The following COL4A4 variants were observed in gnomAD, a reference collection of about 807,000 sequenced individuals.
COL4A4 encodes collagen alpha-4(IV) chain.
In COL4A4, 105 loss-of-function variants were observed where a neutral mutation model predicts 192.9. That is an observed-to-expected ratio of 0.54 (90% CI 0.46 to 0.64). The LOEUF is 0.64. Among genes scored for constraint, COL4A4 ranks in the 30% least tolerant of loss-of-function variants. The probability of loss-of-function intolerance (pLI) is 0.00; values close to 1 mark genes in which losing one functional copy is unlikely to be tolerated. For missense variants in COL4A4, 1,967 were observed against 2,169.3 expected (o/e 0.91, Z 1.85); for synonymous variants, 762 against 769.9 (o/e 0.99, Z 0.17).
chr2:227,164,379 C>A (rs2065115816), upstream of COL4A4: 1 of 404,478 alleles, frequency 2.5e-6, no homozygotes, highest in Non-Finnish European at 4.5e-6. This position sits in a 1 kb window ranked among gnomAD's most constrained non-coding sequence, Gnocchi z 4.8. Flanking sequence ...GGGAGCATCA[C>A]CTCCTTAACC....
chr2:227,163,029 A>G (rs1444542321), intron 1 of COL4A4, among the ~76,000 whole-genome samples: 2 of 152,244 alleles, frequency 1.3e-5, no homozygotes, highest in Non-Finnish European at 2.9e-5. Flanking sequence ...AAAATCAGTG[A>G]CCAACTGCAT....
chr2:227,147,644 A>G lies in COL4A4; in HGVS notation c.-101-60T>C, dbSNP rs1338441274. 3.9e-5 allele frequency: 25 copies of G among 643,096 alleles called. No individual in the cohort carries two copies. The East Asian group carries it at 7.2e-4, about 19-fold the overall frequency. 39.8% of individuals were successfully genotyped at this position (643,096 alleles called of 1,614,324 possible). The stretch of plus-strand genomic sequence containing the variant: ...ATGCATTATAATGTTGAAAATAATT[A>G]CTTTCATTTTTTATCGTTATGGAAA... On this transcript the variant is annotated intron_variant, in intron 1 of 47. Transcript: ENST00000396625.
chr2:226,994,548 A>G, the COL4A4 span, among the ~76,000 whole-genome samples: 1 of 152,202 alleles, frequency 6.6e-6, no homozygotes, highest in African/African-American at 2.4e-5. Context: ...TAGCAGAGCT[A>G]TAGTAGTGAA....
rs1290745310 is a variant in COL4A4, at chr2:227,030,560, G to A, written c.3856C>T (p.Leu1286Phe). The A allele has an allele frequency of 1.2e-6, 2 of 1,613,858 alleles. No homozygotes were observed. Among genetic ancestry groups the A allele is most frequent in the Admixed American group, 3.3e-5 (2 of 59,970 alleles). The stretch of plus-strand genomic sequence containing the variant: ...CAGTCACCTGGCTCCCCTCTCAGAA[G>A]GTCAACACTCCCAGGGAGGCCTGGA... ...GPPGLPGSVD[L>F]LRGEPGDCGL... Residue 1286 changes from leucine (L) to phenylalanine (F), a missense_variant, in exon 41 of 48, where the codon CTT (leucine) becomes TTT (phenylalanine). Leu to Phe is a conservative substitution (Grantham distance 22, BLOSUM62 0). Coordinates refer to ENST00000396625, the MANE Select transcript of COL4A4 (RefSeq NM_000092.5).
At chr2:227,099,768 C>T (rs753220999) in intron 17 of COL4A4, 79 bp from the exon 18 acceptor site, 100 of 1,195,206 alleles carry the variant, frequency 8.4e-5, no homozygotes, top group South Asian at 8.3e-4. Context: ...AGTATTAGAA[C>T]GATCATGTGC....
Position 227,004,588 on chromosome 2 carries a change from G to A in COL4A4, c.*2737C>T, listed in dbSNP as rs1221040065. On this transcript the variant is annotated 3_prime_UTR_variant, in exon 48 of 48. Coordinates refer to ENST00000396625, the MANE Select transcript of COL4A4 (RefSeq NM_000092.5). ...ACCAACTGGGAGATGCCTACTGCAA[G>A]GGTGGAGGTGGAAAACAAAGGCTGT... The A allele has an allele frequency of 6.6e-6, 1 of 152,246 alleles. No individual in the cohort carries two copies. The highest frequency in any genetic ancestry group is 1.5e-5 in the Non-Finnish European group (1 of 68,072). 9.4% of individuals were successfully genotyped at this position (152,246 alleles called of 1,614,324 possible).
chr2:227,111,777 A>C (rs1026240205), intron 8 of COL4A4, 64 bp from the exon 9 acceptor site: 1 of 1,524,444 alleles, frequency 6.6e-7, no homozygotes, highest in African/African-American at 1.4e-5. Context: ...GATTATGTAA[A>C]AATAGAAATA....
At chr2:227,127,399 C>T (rs1333000148) in intron 4 of COL4A4, among the ~76,000 whole-genome samples, 1 of 152,154 alleles carries the variant, frequency 6.6e-6, no homozygotes, top group Non-Finnish European at 1.5e-5. Flanking sequence ...AGTAGGCTCT[C>T]GGGCCAGCTG....
intron 25 of COL4A4, among the ~76,000 whole-genome samples, chr2:227,077,466 G>A (rs2059088193): frequency 6.6e-6 from 1 of 152,094 alleles, no homozygotes; most frequent in Admixed American, 6.6e-5. Context: ...ACAGGGAGGG[G>A]AACATCACAT....
intron 43 of COL4A4, among the ~76,000 whole-genome samples, chr2:227,022,768 T>G (rs968443459): frequency 2.6e-5 from 4 of 152,208 alleles, no homozygotes; most frequent in African/African-American, 4.8e-5. Context: ...CCAGAAATAC[T>G]GATTTACTTG....
chr2:227,070,075 T>A (rs1212172038), intron 25 of COL4A4, among the ~76,000 whole-genome samples: 3 of 151,862 alleles, frequency 2.0e-5, no homozygotes, highest in African/African-American at 7.3e-5. Context: ...GAACAGACAC[T>A]TCTCAAAAGA....
rs764482364 is a variant in COL4A4 at position 227,098,750 on chromosome 2, T to C, written c.1148A>G (p.Asp383Gly). The C allele has an allele frequency of 1.1e-5, 17 of 1,613,886 alleles. No homozygotes were observed. In the African/African-American group the frequency reaches 1.9e-4, roughly 18 times the overall value. Residue 383 changes from aspartate to glycine, a missense_variant, in exon 19 of 48, where the codon GAT becomes GGT. Coordinates refer to ENST00000396625, the MANE Select transcript of COL4A4 (RefSeq NM_000092.5). ...ACCTGGGGGACCAGGTGGTCCAACA[T>C]CCCCTGTTTCTCCATAGCGGCCAGG... ...GFPGRYGETG[D>G]VGPPGPPGLL... is the part of the protein sequence containing the mutation.
chr2:227,056,189 G>A (rs1199312044), intron 29 of COL4A4, 74 bp from the exon 30 acceptor site: 4 of 1,334,846 alleles, frequency 3.0e-6, no homozygotes, highest in Non-Finnish European at 4.3e-6. Context: ...AAAATATACA[G>A]TAGCTTAAAC....
intron 1 of COL4A4, among the ~76,000 whole-genome samples, chr2:227,154,195 C>T (rs549719750): frequency 2.6e-4 from 39 of 152,262 alleles, no homozygotes; most frequent in Admixed American, 1.8e-3. Context: ...CTTTTTTCTC[C>T]CCCCTTCACT....
At chr2:227,080,714 G>A (rs1400459538) in intron 23 of COL4A4, among the ~76,000 whole-genome samples, 165 bp from the exon 24 acceptor site, 1 of 152,194 alleles carries the variant, frequency 6.6e-6, no homozygotes, top group African/African-American at 2.4e-5. Flanking sequence ...AGGGGAGAAT[G>A]ACAATTGCTA....
At chr2:227,108,472 G>T in intron 12 of COL4A4, 109 bp downstream of exon 12, 1 of 1,027,412 alleles carries the variant, frequency 9.7e-7, no homozygotes, top group African/African-American at 1.6e-5. Flanking sequence ...CCATAAAATT[G>T]GGCAGTGACT....
At chr2:226,989,983 G>A in the COL4A4 span, among the ~76,000 whole-genome samples, 2 of 152,150 alleles carry the variant, frequency 1.3e-5, no homozygotes, top group African/African-American at 2.4e-5. Context: ...ATAGAAATGC[G>A]AATGTTTTCT....
intron 7 of COL4A4, among the ~76,000 whole-genome samples, 157 bp from the exon 8 acceptor site, chr2:227,114,853 C>T (rs1245027188): frequency 1.3e-5 from 2 of 152,030 alleles, no homozygotes; most frequent in Non-Finnish European, 2.9e-5. Context: ...TTATTATCAC[C>T]CTAAGGTTCT....
intron 20 of COL4A4, among the ~76,000 whole-genome samples, chr2:227,091,817 A>T (rs2059947705): frequency 6.6e-6 from 1 of 151,980 alleles, no homozygotes; most frequent in East Asian, 1.9e-4. Flanking sequence ...AATCGCTTGA[A>T]CCAGGGAGGC....
Sources: allele counts gnomAD v4.1 joint callset (sites outside exome capture counted in the v4.1 genomes callset), GRCh38; gene constraint gnomAD v4.1.1; non-coding constraint Gnocchi (gnomAD v3.1); transcripts MANE v1.5; gene names NCBI Gene and HGNC (gene_info 2026-07-23, HGNC 2026-07-21).